Variants in CTNNA2 observed in about 807,000 individuals in gnomAD.
The protein encoded by CTNNA2 is catenin alpha 2.
In CTNNA2, 42 loss-of-function variants were observed where a neutral mutation model predicts 101.0. The observed-to-expected ratio is 0.42, with a 90% CI of 0.32 to 0.54. The LOEUF (loss-of-function observed/expected upper bound fraction) is 0.54. CTNNA2 is among the 20% of genes least tolerant of loss of function. The pLI is 0.14. For synonymous variants in CTNNA2, 450 were observed against 456.4 expected (o/e 0.99, Z 0.18); for missense variants, 871 against 1,223.1 (o/e 0.71, Z 4.29).
intron 7 of CTNNA2, among the ~76,000 whole-genome samples, chr2:80,279,779 C>T (rs1674219189): frequency 6.6e-6 from 1 of 152,122 alleles, no homozygotes; most frequent in Non-Finnish European, 1.5e-5. Context: ...ATGGAGATTT[C>T]TATGTCATGG....
At chr2:80,034,609 C>T (rs1447847042) in intron 7 of CTNNA2, among the ~76,000 whole-genome samples, 1 of 152,170 alleles carries the variant, frequency 6.6e-6, no homozygotes, top group Non-Finnish European at 1.5e-5. Flanking sequence ...CCGCTTCTGC[C>T]TCCCACAGTG....
intron 3 of CTNNA2, among the ~76,000 whole-genome samples, chr2:79,760,236 G>C (rs1001428712): frequency 2.0e-5 from 3 of 151,940 alleles, no homozygotes; most frequent in Non-Finnish European, 4.4e-5. Context: ...TGCTCAGAAA[G>C]GCCTTTTCTA....
chr2:80,110,025 T>A (rs1372859039), intron 7 of CTNNA2, among the ~76,000 whole-genome samples: 1 of 152,196 alleles, frequency 6.6e-6, no homozygotes, highest in East Asian at 1.9e-4. Flanking sequence ...AGGATCCCAT[T>A]CACAGTGTTG....
chr2:79,681,822 A>G (rs1472999028), intron 2 of CTNNA2, among the ~76,000 whole-genome samples: 3 of 152,206 alleles, frequency 2.0e-5, no homozygotes, highest in Admixed American at 2.0e-4. Flanking sequence ...TCAGAGGGGA[A>G]AAGGCACGGG....
chr2:80,570,079 C>T lies in CTNNA2; in HGVS notation c.1742-4084C>T, dbSNP rs371004079. ...CTCTTTCTGTTTTGAGACGGAGTCTCGCTCTGTTGCCCAGGCTGAAGTTCA... is the reference window on the plus strand; with the variant it reads ...CTCTTTCTGTTTTGAGACGGAGTCTTGCTCTGTTGCCCAGGCTGAAGTTCA... On this transcript the variant is annotated intron_variant, in intron 12 of 18. Coordinates refer to ENST00000402739, the MANE Select transcript of CTNNA2 (RefSeq NM_001282597.3). 3.6e-4 allele frequency among the ~76,000 whole-genome samples: 54 copies of T among 150,140 alleles called. 1 individual carries two copies. In the South Asian group the frequency reaches 9.5e-3, roughly 26 times the overall value.
At chr2:79,688,305 C>A (rs1045465981) in intron 2 of CTNNA2, among the ~76,000 whole-genome samples, 4 of 151,726 alleles carry the variant, frequency 2.6e-5, no homozygotes, top group African/African-American at 9.7e-5. Flanking sequence ...AGAATTACAT[C>A]TATAAAAGCT....
chr2:79,391,115 G>A (rs1409387708), intron 4 of CTNNA2, among the ~76,000 whole-genome samples: 1 of 152,112 alleles, frequency 6.6e-6, no homozygotes, highest in Non-Finnish European at 1.5e-5. Context: ...TCTGCAAAAG[G>A]TGCACCCAGC....
intron 1 of CTNNA2, among the ~76,000 whole-genome samples, chr2:79,622,338 A>C (rs1679046296): frequency 6.6e-6 from 1 of 152,176 alleles, no homozygotes; most frequent in African/African-American, 2.4e-5. Flanking sequence ...GAAAATTTTC[A>C]ATCCTTTTAA....
chr2:80,039,671 A>G (rs977891974), intron 7 of CTNNA2, among the ~76,000 whole-genome samples: 1 of 152,152 alleles, frequency 6.6e-6, no homozygotes, highest in Non-Finnish European at 1.5e-5. Flanking sequence ...CTCCCAACCC[A>G]TCTCTTAATC....
intron 7 of CTNNA2, among the ~76,000 whole-genome samples, chr2:80,032,266 C>T (rs921004217): frequency 2.0e-5 from 3 of 152,082 alleles, no homozygotes; most frequent in Admixed American, 6.5e-5. Context: ...CCTGATGTGC[C>T]AACCTGTTGG....
intron 7 of CTNNA2, among the ~76,000 whole-genome samples, chr2:80,006,753 A>G (rs576898699): frequency 6.6e-6 from 1 of 152,100 alleles, no homozygotes; most frequent in Non-Finnish European, 1.5e-5. Context: ...GGAATGACTA[A>G]AAGTCCAGGG....
intron 1 of CTNNA2, among the ~76,000 whole-genome samples, chr2:79,527,245 A>G (rs1476893561): frequency 1.3e-5 from 2 of 152,076 alleles, no homozygotes; most frequent in African/African-American, 2.4e-5. Context: ...ACAAATGGCA[A>G]ATAAGCACAC....
At chr2:80,117,703 T>G (rs935798389) in intron 7 of CTNNA2, among the ~76,000 whole-genome samples, 5 of 152,008 alleles carry the variant, frequency 3.3e-5, no homozygotes, top group Admixed American at 6.6e-5. Flanking sequence ...GACTAACTGG[T>G]CTACTGGGGG....
chr2:79,523,093 A>G (rs1298729079), intron 1 of CTNNA2: 3 of 266,168 alleles, frequency 1.1e-5, no homozygotes, highest in Admixed American at 4.7e-5. Flanking sequence ...ATTATTTTTA[A>G]CTAAATATAT....
intron 7 of CTNNA2, among the ~76,000 whole-genome samples, chr2:80,386,625 T>A (rs1677032340): frequency 1.3e-5 from 2 of 152,216 alleles, no homozygotes; most frequent in Admixed American, 1.3e-4. Flanking sequence ...GCAAAATGTG[T>A]TGGAGATAGA....
intron 8 of CTNNA2, among the ~76,000 whole-genome samples, chr2:80,397,320 T>C (rs1192811316): frequency 6.6e-6 from 1 of 152,210 alleles, no homozygotes; most frequent in Non-Finnish European, 1.5e-5. Context: ...CCACATTTAA[T>C]CCACACACTA....
intron 8 of CTNNA2, among the ~76,000 whole-genome samples, chr2:80,416,307 T>A (rs1680043077): frequency 6.6e-6 from 1 of 152,212 alleles, no homozygotes; most frequent in Admixed American, 6.5e-5. Context: ...AAAAAATGTA[T>A]GTTTATCAAA....
chr2:79,818,567 G>A (rs1558548802), intron 3 of CTNNA2, among the ~76,000 whole-genome samples: 1 of 151,038 alleles, frequency 6.6e-6, no homozygotes, highest in South Asian at 2.1e-4. Context: ...CACTCACCTC[G>A]GCCTCCCAAA....
At chr2:79,583,151 G>A (rs1167049355) in intron 1 of CTNNA2, among the ~76,000 whole-genome samples, 1 of 151,458 alleles carries the variant, frequency 6.6e-6, no homozygotes, top group African/African-American at 2.4e-5. Context: ...GAACTTTTGG[G>A]CTGTTTTGTC....
Sources: allele counts gnomAD v4.1 joint callset (sites outside exome capture counted in the v4.1 genomes callset), GRCh38; gene constraint gnomAD v4.1.1; transcripts MANE v1.5; gene names NCBI Gene and HGNC (gene_info 2026-07-23, HGNC 2026-07-21).